Variants in LRRC8B observed in about 807,000 individuals in gnomAD.
LRRC8B encodes the protein leucine rich repeat containing 8 VRAC subunit B, also known as volume-regulated anion channel subunit LRRC8B.
A neutral mutation model predicts 58.8 loss-of-function variants in LRRC8B; 23 were observed. The ratio of observed to expected loss-of-function variants is 0.39; its 90% CI spans 0.28 to 0.55. The LOEUF (loss-of-function observed/expected upper bound fraction) is 0.55. Among genes scored for constraint, LRRC8B ranks in the 20% least tolerant of loss-of-function variants. The probability of loss-of-function intolerance (pLI) is 0.62; values close to 1 mark genes in which losing one functional copy is unlikely to be tolerated. For synonymous variants in LRRC8B, 359 were observed against 374.1 expected (o/e 0.96, Z 0.47); for missense variants, 694 against 936.0 (o/e 0.74, Z 3.37).
At chr1:89,580,140 C>T (rs911609757) in intron 4 of LRRC8B, among the ~76,000 whole-genome samples, 4 of 152,144 alleles carry the variant, frequency 2.6e-5, no homozygotes, top group East Asian at 3.8e-4. Flanking sequence ...GAGGTTGTTG[C>T]GCAAAAATGT....
rs1470190414 is a variant in LRRC8B at position 89,595,008 on chromosome 1, A to C, written c.*1965A>C. 6.6e-6 allele frequency: 1 copy of C among 152,088 alleles called. No individual in the cohort carries two copies. The highest frequency in any genetic ancestry group is 1.5e-5 in the Non-Finnish European group (1 of 67,958). 9.4% of individuals were successfully genotyped at this position (152,088 alleles called of 1,614,324 possible). A position where few individuals can be genotyped will look rare whatever the true frequency, so the allele number is the denominator to read the frequency against. On this transcript the variant is annotated 3_prime_UTR_variant, in exon 6 of 6. Transcript: ENST00000330947. ...TAGAGCTTCCCCTCACCTGCCACAC[A>C]CTCCTGCACTAAAGTTCAAAGAAAA...
intron 1 of LRRC8B, among the ~76,000 whole-genome samples, chr1:89,556,847 G>A (rs1206649730): frequency 6.6e-6 from 1 of 152,134 alleles, no homozygotes; most frequent in South Asian, 2.1e-4. Context: ...AAAACAGACT[G>A]GTTTCTTTCT....
At chr1:89,576,211 G>A (rs576067537) in intron 3 of LRRC8B, among the ~76,000 whole-genome samples, 3 of 152,198 alleles carry the variant, frequency 2.0e-5, no homozygotes, top group South Asian at 2.1e-4. Context: ...ACTGCTTCAC[G>A]TTCCTGAGCC....
chr1:89,572,391 T>C (rs1286561674), intron 3 of LRRC8B: 1 of 152,252 alleles, frequency 6.6e-6, no homozygotes, highest in Non-Finnish European at 1.5e-5. Context: ...TGTTGGCCTC[T>C]CTAGCTAGAT....
chr1:89,596,506 T>A lies in LRRC8B; in HGVS notation c.*3463T>A, dbSNP rs1172438376. 6.6e-6 allele frequency: 1 copy of A among 152,132 alleles called. No homozygotes were observed. Among genetic ancestry groups the A allele is most frequent in the Non-Finnish European group, 1.5e-5 (1 of 67,988 alleles). 9.4% of individuals were successfully genotyped at this position (152,132 alleles called of 1,614,324 possible). A position where few individuals can be genotyped will look rare whatever the true frequency, so the allele number is the denominator to read the frequency against. ...GGTTCAAGTGTTTTGTGATTAAAATTTTATGTTTAATTAAAATATTGCATA... is the reference window on the plus strand; with the variant it reads ...GGTTCAAGTGTTTTGTGATTAAAATATTATGTTTAATTAAAATATTGCATA... On this transcript the variant is annotated 3_prime_UTR_variant, in exon 6 of 6. Coordinates refer to ENST00000330947, the MANE Select transcript of LRRC8B (RefSeq NM_001369817.2).
Position 89,577,929 on chromosome 1 carries a change from G to C in LRRC8B, c.-124-1662G>C, listed in dbSNP as rs576014485. Among the ~76,000 whole-genome samples the C allele has an allele frequency of 2.0e-5, 3 of 152,246 alleles. No homozygotes were observed. In the East Asian group the frequency reaches 5.8e-4, roughly 29 times the overall value. ...CTTTTGAGAGACCTAAGACTGTGGC[G>C]TAGTTAATTGGATTGACTGAGGCCA... On this transcript the variant is annotated intron_variant, in intron 3 of 5. Coordinates refer to ENST00000330947, the MANE Select transcript of LRRC8B (RefSeq NM_001369817.2).
intron 1 of LRRC8B, among the ~76,000 whole-genome samples, chr1:89,550,600 T>C (rs1236138057): frequency 6.6e-6 from 1 of 152,228 alleles, no homozygotes; most frequent in Non-Finnish European, 1.5e-5. Context: ...AGCCTTGCTT[T>C]GATATGAAAG....
At chr1:89,534,724 G>A (rs1650403641) in intron 1 of LRRC8B, among the ~76,000 whole-genome samples, 4 of 152,126 alleles carry the variant, frequency 2.6e-5, no homozygotes, top group Admixed American at 2.6e-4. Flanking sequence ...ATAAATATAT[G>A]GGAATGAAGT....
intron 1 of LRRC8B, among the ~76,000 whole-genome samples, chr1:89,528,978 C>T (rs891475225): frequency 1.3e-5 from 2 of 152,098 alleles, no homozygotes; most frequent in Non-Finnish European, 2.9e-5. Context: ...ATCCTTATTC[C>T]AGACAGTCTT....
intron 3 of LRRC8B, among the ~76,000 whole-genome samples, chr1:89,577,771 A>G (rs1653955097): frequency 6.6e-6 from 1 of 152,248 alleles, no homozygotes; most frequent in African/African-American, 2.4e-5. Flanking sequence ...AAAGTAGATT[A>G]TATGTAACGG....
intron 1 of LRRC8B, among the ~76,000 whole-genome samples, chr1:89,566,419 T>A (rs1300734677): frequency 6.6e-6 from 1 of 152,218 alleles, no homozygotes; most frequent in Non-Finnish European, 1.5e-5. Context: ...TGGGAGACTT[T>A]AATTTTACAT....
At chr1:89,590,541 T>G (rs1460863377) in intron 5 of LRRC8B, among the ~76,000 whole-genome samples, 1 of 152,202 alleles carries the variant, frequency 6.6e-6, no homozygotes, top group African/African-American at 2.4e-5. Context: ...TGAGGCCCAC[T>G]CCCACTACCT....
intron 1 of LRRC8B, among the ~76,000 whole-genome samples, chr1:89,538,401 G>A (rs1650695821): frequency 6.6e-6 from 1 of 152,200 alleles, no homozygotes; most frequent in African/African-American, 2.4e-5. Flanking sequence ...GTAGACAGGA[G>A]AGAATGTTCC....
intron 1 of LRRC8B, among the ~76,000 whole-genome samples, chr1:89,530,788 A>G (rs1281061014): frequency 6.6e-6 from 1 of 152,072 alleles, no homozygotes; most frequent in Non-Finnish European, 1.5e-5. Flanking sequence ...GTCCCTCCGT[A>G]CCTTTCCATT....
chr1:89,569,407 T>C (rs72959807), intron 3 of LRRC8B, among the ~76,000 whole-genome samples: 3,337 of 152,260 alleles, frequency 0.022, 132 homozygotes, highest in African/African-American at 0.077. Flanking sequence ...GATGATCCTG[T>C]CACCCAGGTA....
intron 4 of LRRC8B, among the ~76,000 whole-genome samples, chr1:89,582,021 G>A (rs778960040): frequency 6.6e-6 from 1 of 152,114 alleles, no homozygotes; most frequent in African/African-American, 2.4e-5. Context: ...CTCTTGGGCT[G>A]TAAGTGATGC....
chr1:89,556,097 G>C (rs1167555714), intron 1 of LRRC8B, among the ~76,000 whole-genome samples: 1 of 152,160 alleles, frequency 6.6e-6, no homozygotes, highest in East Asian at 1.9e-4. Context: ...TCAACTTCTG[G>C]AAAGGGGAGA....
rs536965996 is a variant in LRRC8B at position 89,568,423 on chromosome 1, TG to T, written c.-179-15del. 73 of 152,288 alleles carry T rather than the reference TG, an allele frequency of 4.8e-4. No homozygotes were observed. Among genetic ancestry groups the T allele is most frequent in the African/African-American group, 1.7e-3 (72 of 41,578 alleles). The allele number at this position is 152,288 out of a possible 1,614,324, so 9.4% of individuals were successfully genotyped here. On this transcript the variant is annotated splice_polypyrimidine_tract_variant and intron_variant, in intron 2 of 5. Coordinates refer to ENST00000330947, the MANE Select transcript of LRRC8B (RefSeq NM_001369817.2). Reference sequence around the variant, plus strand: ...GATGCGTAAAATATAATAATATGCTTGTGATTTCTCCTTAGGAATTTTTCAA... The same window carrying T: ...GATGCGTAAAATATAATAATATGCTTTGATTTCTCCTTAGGAATTTTTCAA...
chr1:89,572,828 T>C (rs1653565758), intron 3 of LRRC8B, among the ~76,000 whole-genome samples: 1 of 152,236 alleles, frequency 6.6e-6, no homozygotes, highest in Non-Finnish European at 1.5e-5. Flanking sequence ...TACAAGAATA[T>C]GGCTGCAACT....
Sources: gnomAD v4.1 joint callset for allele counts (sites outside exome capture counted in the v4.1 genomes callset) on GRCh38, gnomAD v4.1.1 for gene constraint, MANE v1.5 for transcripts, NCBI Gene and HGNC (gene_info 2026-07-23, HGNC 2026-07-21) for gene names.